KLF12: variants seen among roughly 807,000 people sequenced by gnomAD.
The protein encoded by KLF12 is Krueppel-like factor 12.
In KLF12, 9 loss-of-function variants were observed where a neutral mutation model predicts 37.8. That is an observed-to-expected ratio of 0.24 (90% CI 0.14 to 0.42). The LOEUF (loss-of-function observed/expected upper bound fraction) is 0.42. Among genes scored for constraint, KLF12 ranks in the 10% least tolerant of loss-of-function variants. The pLI is 1.00. For synonymous variants in KLF12, 208 were observed against 202.1 expected, an observed-to-expected ratio of 1.03 and a Z score of -0.25; for missense variants, 411 against 516.0, an observed-to-expected ratio of 0.80 and a Z score of 1.97.
rs1874351718 is a variant in KLF12 at position 73,699,089 on chromosome 13, T to A, written c.1028-3418A>T. On this transcript the variant is annotated intron_variant, in intron 7 of 7. Transcript: ENST00000377669. ...TAGAAGACTCACCCACTGAGGACAG[T>A]GGCTCAGGCTTATAATCCCAGCTAC... Among the ~76,000 whole-genome samples the A allele has an allele frequency of 3.3e-5, 5 of 152,160 alleles. No homozygotes were observed. In the South Asian group the frequency reaches 1.0e-3, roughly 32 times the overall value.
At chr13:73,960,648 C>T (rs761070908) in intron 2 of KLF12, among the ~76,000 whole-genome samples, 2 of 152,088 alleles carry the variant, frequency 1.3e-5, no homozygotes, top group Admixed American at 6.5e-5. Flanking sequence ...TACAATTTAA[C>T]TAATACAAAA....
chr13:73,936,938 T>C (rs1354462616), intron 3 of KLF12, among the ~76,000 whole-genome samples: 1 of 152,158 alleles, frequency 6.6e-6, no homozygotes, highest in Non-Finnish European at 1.5e-5. Flanking sequence ...AGGCCTATAA[T>C]CCCAACCCTT....
In KLF12 at chr13:73,802,977, C is replaced by T. The variant is rs79092149; in HGVS notation, c.806+10175G>A. Reference sequence around the variant, plus strand: ...GTAAACAATTAAACAGAACAAATACCTATATATGTATATAACTAGATTTCA... The same window carrying T: ...GTAAACAATTAAACAGAACAAATACTTATATATGTATATAACTAGATTTCA... On this transcript the variant is annotated intron_variant, in intron 5 of 7. Transcript: ENST00000377669. Among the ~76,000 whole-genome samples the T allele has an allele frequency of 9.7e-3, 1,472 of 152,100 alleles. 19 individuals are homozygous for T. Among genetic ancestry groups the T allele is most frequent in the African/African-American group, 0.034 (1,403 of 41,478 alleles).
chr13:74,228,212 G>T, the KLF12 span, among the ~76,000 whole-genome samples: 1 of 152,110 alleles, frequency 6.6e-6, no homozygotes, highest in South Asian at 2.1e-4. Context: ...ACATTTTGCT[G>T]TAGAGCAAAC....
the KLF12 span, among the ~76,000 whole-genome samples, chr13:74,248,076 G>A: frequency 2.0e-5 from 3 of 152,186 alleles, no homozygotes; most frequent in Non-Finnish European, 4.4e-5. Flanking sequence ...ACCTGCTTCT[G>A]ATGTGGCTTT....
chr13:74,085,519 GC>G (rs1400442489), intron 1 of KLF12, among the ~76,000 whole-genome samples: 3 of 152,146 alleles, frequency 2.0e-5, no homozygotes, highest in Admixed American at 6.5e-5. Flanking sequence ...CCTTGAGGTA[GC>G]TGCTGTTATT....
chr13:74,170,087 GA>G, the KLF12 span, among the ~76,000 whole-genome samples: 10 of 151,826 alleles, frequency 6.6e-5, no homozygotes, highest in Non-Finnish European at 1.2e-4. Context: ...TACACCTATA[GA>G]CACTGCAAAC....
intron 1 of KLF12, among the ~76,000 whole-genome samples, chr13:73,995,683 C>A (rs1892093426): frequency 6.6e-6 from 1 of 152,114 alleles, no homozygotes; most frequent in African/African-American, 2.4e-5. Flanking sequence ...TATGTGGTTT[C>A]TAAAAGGTCC....
At chr13:73,920,715 T>C (rs114148839) in intron 3 of KLF12, among the ~76,000 whole-genome samples, 1,590 of 152,240 alleles carry the variant, frequency 0.01, 29 homozygotes, top group African/African-American at 0.034. Flanking sequence ...ATGGATTTCC[T>C]GCTTTTCACT....
chr13:73,953,309 G>C (rs1345013592), intron 2 of KLF12, among the ~76,000 whole-genome samples: 1 of 149,584 alleles, frequency 6.7e-6, no homozygotes, highest in Non-Finnish European at 1.5e-5. Context: ...ATACAAGTTT[G>C]GTTAAAATTA....
At chr13:73,960,493 A>T (rs1489714305) in intron 2 of KLF12, 2 of 210,618 alleles carry the variant, frequency 9.5e-6, no homozygotes, top group Non-Finnish European at 2.1e-5. Flanking sequence ...AAAAAAGAAG[A>T]GCCAATGGTT....
At chr13:74,271,974 G>T in the KLF12 span, among the ~76,000 whole-genome samples, 1 of 152,168 alleles carries the variant, frequency 6.6e-6, no homozygotes, top group South Asian at 2.1e-4. Context: ...TCAGTGACTT[G>T]TATTTGCAAT....
intron 3 of KLF12, among the ~76,000 whole-genome samples, chr13:73,924,423 G>C (rs927599939): frequency 6.6e-6 from 1 of 152,036 alleles, no homozygotes; most frequent in Admixed American, 6.6e-5. Flanking sequence ...TATTATATTT[G>C]TTATGGCGAG....
chr13:73,904,194 A>G (rs1295888646), intron 3 of KLF12, among the ~76,000 whole-genome samples: 2 of 152,228 alleles, frequency 1.3e-5, no homozygotes, highest in Non-Finnish European at 2.9e-5. Context: ...AGTCACATTT[A>G]AAGGATTTAC....
chr13:73,892,552 A>G (rs1887558824), intron 3 of KLF12, among the ~76,000 whole-genome samples: 1 of 152,198 alleles, frequency 6.6e-6, no homozygotes, highest in Admixed American at 6.5e-5. Context: ...ACAAACAAAA[A>G]ACAGTTAAAC....
At chr13:73,849,093 T>C (rs142787113) in intron 3 of KLF12, among the ~76,000 whole-genome samples, 2 of 152,270 alleles carry the variant, frequency 1.3e-5, no homozygotes, top group East Asian at 3.9e-4. Context: ...CCAGAAGTAC[T>C]GCAAAAATAT....
chr13:74,216,503 G>A, the KLF12 span, among the ~76,000 whole-genome samples: 1,035 of 152,278 alleles, frequency 6.8e-3, 12 homozygotes, highest in African/African-American at 0.023. Flanking sequence ...CCCTGAGTGA[G>A]CCTTGGCCGG....
At chr13:73,908,050 T>C (rs1888386366) in intron 3 of KLF12, among the ~76,000 whole-genome samples, 1 of 152,184 alleles carries the variant, frequency 6.6e-6, no homozygotes, top group Non-Finnish European at 1.5e-5. Context: ...CTACTGCATC[T>C]TTCAGGTCTT....
the KLF12 span, among the ~76,000 whole-genome samples, chr13:74,225,741 T>C: frequency 1.3e-5 from 2 of 152,152 alleles, no homozygotes; most frequent in African/African-American, 4.8e-5. Context: ...AGAAACAATG[T>C]GCTCTATGGA....
Sources: gnomAD v4.1 joint callset for allele counts (sites outside exome capture counted in the v4.1 genomes callset) on GRCh38, gnomAD v4.1.1 for gene constraint, MANE v1.5 for transcripts, NCBI Gene and HGNC (gene_info 2026-07-23, HGNC 2026-07-21) for gene names.